ASIC2: variants seen among roughly 807,000 people sequenced by gnomAD.
ASIC2 encodes the protein acid-sensing ion channel 2.
In ASIC2, 25 loss-of-function variants were observed where a neutral mutation model predicts 57.3. The ratio of observed to expected loss-of-function variants is 0.44; its 90% confidence interval spans 0.32 to 0.61. The LOEUF is 0.61. Among genes scored for constraint, ASIC2 ranks in the 20% least tolerant of loss-of-function variants. The pLI is 0.06. For synonymous variants in ASIC2, 319 were observed against 307.5 expected (o/e 1.04, Z -0.39); for missense variants, 641 against 738.1 (o/e 0.87, Z 1.52).
chr17:34,099,864 C>T lies in ASIC2; in HGVS notation c.555+56114G>A, dbSNP rs9892606. Among the ~76,000 whole-genome samples, 1,270 of 152,236 alleles carry T rather than the reference C, an allele frequency of 8.3e-3. 14 individuals are homozygous for T. Among genetic ancestry groups the T allele is most frequent in the African/African-American group, 0.028 (1,182 of 41,524 alleles). On this transcript the variant is annotated intron_variant, in intron 1 of 9. Transcript: ENST00000359872. ...AGTTCATTGTGACTTGGAATGAACA[C>T]TGGAAGGTAGAATACATGGTATGTG...
intron 1 of ASIC2, among the ~76,000 whole-genome samples, chr17:34,010,760 T>C (rs962249924): frequency 3.3e-5 from 5 of 149,928 alleles, no homozygotes; most frequent in East Asian, 2.0e-4. Flanking sequence ...CTCAGACCCA[T>C]AGATACACAC....
intron 1 of ASIC2, among the ~76,000 whole-genome samples, chr17:33,151,119 G>T (rs1904773885): frequency 1.3e-5 from 2 of 151,758 alleles, no homozygotes; most frequent in South Asian, 4.2e-4. Context: ...TTGAGGTCAG[G>T]AGTTTGAGAC....
intron 1 of ASIC2, among the ~76,000 whole-genome samples, chr17:33,350,142 T>C (rs439783): frequency 0.48 from 73,570 of 151,930 alleles, 18,754 homozygotes; most frequent in African/African-American, 0.64. Flanking sequence ...ATTCTACCTG[T>C]TCCTTTTTAT....
At chr17:33,965,904 A>C (rs1905060269) in intron 1 of ASIC2, among the ~76,000 whole-genome samples, 1 of 152,204 alleles carries the variant, frequency 6.6e-6, no homozygotes, top group East Asian at 1.9e-4. Context: ...CAAGGGGAGC[A>C]GTGGCTTGGA....
At chr17:33,599,019 A>G (rs951084985) in intron 1 of ASIC2, among the ~76,000 whole-genome samples, 3 of 152,210 alleles carry the variant, frequency 2.0e-5, no homozygotes, top group African/African-American at 7.2e-5. Context: ...CTGCGCCTGT[A>G]TGCACACATA....
chr17:33,158,729 T>C (rs1373342539), intron 1 of ASIC2, among the ~76,000 whole-genome samples: 1 of 152,238 alleles, frequency 6.6e-6, no homozygotes, highest in Non-Finnish European at 1.5e-5. Flanking sequence ...GTCTCTCTGT[T>C]CCACCTTTGT....
At position 34,156,279 on chromosome 17, in the gene ASIC2, ACCAGG is replaced by A; in HGVS notation, c.249_253del (p.Val85ProfsTer7). On this transcript the variant is annotated frameshift_variant, in exon 1 of 10. Coordinates refer to the ASIC2 transcript ENST00000359872. LOFTEE classifies it high-confidence loss of function. This position sits in a 1 kb window ranked among gnomAD's most constrained non-coding sequence, Gnocchi z 4.4. Reference sequence around the variant, plus strand: ...GTTACAGAGGGTCACAGCTGGGAAGACCAGGCTTTGAGCCACCACTTCGTCCACCT... The same window carrying A: ...GTTACAGAGGGTCACAGCTGGGAAGACTTTGAGCCACCACTTCGTCCACCT... The A allele has an allele frequency of 6.2e-7, 1 of 1,614,138 alleles. No homozygotes were observed. Among genetic ancestry groups the A allele is most frequent in the Non-Finnish European group, 8.5e-7 (1 of 1,180,022 alleles).
intron 1 of ASIC2, among the ~76,000 whole-genome samples, chr17:34,076,134 C>G (rs1470884206): frequency 1.3e-5 from 2 of 152,100 alleles, no homozygotes; most frequent in Non-Finnish European, 2.9e-5. Context: ...TTGCGAGTAG[C>G]TGGGACTACA....
chr17:33,155,564 CT>C (rs558082080), intron 1 of ASIC2, among the ~76,000 whole-genome samples: 5,026 of 130,662 alleles, frequency 0.038, 179 homozygotes, highest in African/African-American at 0.13. Context: ...TTCTTTCTTT[CT>C]TTTTTTTTTT....
At chr17:33,579,566 A>G (rs1331690001) in intron 1 of ASIC2, among the ~76,000 whole-genome samples, 3 of 152,106 alleles carry the variant, frequency 2.0e-5, no homozygotes, top group Non-Finnish European at 4.4e-5. Flanking sequence ...GGCAGACCCT[A>G]CTGGTGAGTG....
At chr17:33,716,565 G>A (rs760183924) in intron 1 of ASIC2, among the ~76,000 whole-genome samples, 7 of 152,178 alleles carry the variant, frequency 4.6e-5, no homozygotes, top group Admixed American at 6.5e-5. Context: ...TCAACTCTCC[G>A]TCTTTGCCAC....
chr17:33,356,122 C>T (rs1908363517), intron 1 of ASIC2, among the ~76,000 whole-genome samples: 1 of 152,150 alleles, frequency 6.6e-6, no homozygotes. Flanking sequence ...CCACATCATT[C>T]ACTGATTCAC....
intron 1 of ASIC2, among the ~76,000 whole-genome samples, chr17:33,679,814 G>A (rs889907273): frequency 7.9e-5 from 12 of 152,128 alleles, no homozygotes; most frequent in African/African-American, 2.9e-4. Flanking sequence ...TGCTTTTGGG[G>A]AGCAGAAAGA....
Position 33,434,024 on chromosome 17 carries a change from G to C in ASIC2, c.556-321957C>G, listed in dbSNP as rs571059515. ...AAATCAAAAAGAAGTAAGCCGGACAGGGTGGTAAGCACTATAGTCCCTGAG... is the reference window on the plus strand; with the variant it reads ...AAATCAAAAAGAAGTAAGCCGGACACGGTGGTAAGCACTATAGTCCCTGAG... On this transcript the variant is annotated intron_variant, in intron 1 of 9. Coordinates refer to the ASIC2 transcript ENST00000359872. Among the ~76,000 whole-genome samples, 587 of 152,030 alleles carry C rather than the reference G, an allele frequency of 3.9e-3. 6 individuals are homozygous for C. Among genetic ancestry groups the C allele is most frequent in the Non-Finnish European group, 4.9e-3 (330 of 67,976 alleles).
At chr17:33,503,200 A>C (rs1160867582) in intron 1 of ASIC2, among the ~76,000 whole-genome samples, 1 of 152,228 alleles carries the variant, frequency 6.6e-6, no homozygotes, top group Non-Finnish European at 1.5e-5. Flanking sequence ...AGATGAGAGA[A>C]TGGTGATGAA....
intron 1 of ASIC2, among the ~76,000 whole-genome samples, chr17:33,552,156 G>A (rs536031625): frequency 2.3e-4 from 35 of 152,322 alleles, no homozygotes; most frequent in Admixed American, 1.6e-3. Context: ...ATTTGAAGGG[G>A]CCCTGAAAGG....
chr17:33,985,126 C>A (rs1457655048), intron 1 of ASIC2, among the ~76,000 whole-genome samples: 3 of 152,122 alleles, frequency 2.0e-5, no homozygotes, highest in Non-Finnish European at 4.4e-5. Flanking sequence ...AAGCCTCAAG[C>A]CATGATGAAT....
intron 1 of ASIC2, among the ~76,000 whole-genome samples, chr17:33,556,214 A>C (rs1159860794): frequency 6.6e-6 from 1 of 152,192 alleles, no homozygotes; most frequent in African/African-American, 2.4e-5. Flanking sequence ...CCCACCTTGG[A>C]CTTCTGCCAA....
At chr17:33,737,435 A>T (rs1909950725) in intron 1 of ASIC2, among the ~76,000 whole-genome samples, 1 of 152,242 alleles carries the variant, frequency 6.6e-6, no homozygotes, top group Admixed American at 6.5e-5. Flanking sequence ...CCTGAATGGG[A>T]TATCTTGGGA....
Sources: gnomAD v4.1 joint callset for allele counts (sites outside exome capture counted in the v4.1 genomes callset) on GRCh38, gnomAD v4.1.1 for gene constraint, Gnocchi (gnomAD v3.1) non-coding constraint, MANE v1.5 for transcripts, NCBI Gene and HGNC (gene_info 2026-07-23, HGNC 2026-07-21) for gene names.